CCNH: variants seen among roughly 807,000 people sequenced by gnomAD.
The protein encoded by CCNH is cyclin H.
Under a neutral mutation model 41.9 loss-of-function variants are expected in CCNH, and 31 were observed. The observed-to-expected ratio is 0.74, with a 90% CI of 0.56 to 1.00. The LOEUF is 1.00. CCNH is among the 50% of genes least tolerant of loss of function. The probability of loss-of-function intolerance (pLI) is 0.00; values close to 1 mark genes in which losing one functional copy is unlikely to be tolerated. For synonymous variants in CCNH, 138 were observed against 136.1 expected, an observed-to-expected ratio of 1.01 and a Z score of -0.10; for missense variants, 362 against 388.4, an observed-to-expected ratio of 0.93 and a Z score of 0.57.
chr5:87,371,230 C>T (rs770098353), intron 9 of CCNH, among the ~76,000 whole-genome samples: 34 of 151,808 alleles, frequency 2.2e-4, no homozygotes, highest in South Asian at 1.0e-3. Flanking sequence ...AATGGTATTT[C>T]CAGTTTTTGT....
At chr5:87,351,034 T>C (rs1321517312) in intron 9 of CCNH, among the ~76,000 whole-genome samples, 1 of 151,702 alleles carries the variant, frequency 6.6e-6, no homozygotes, top group Non-Finnish European at 1.5e-5. Context: ...GAAAGATTTT[T>C]CAATAAATCT....
intron 3 of CCNH, chr5:87,409,025 T>A (rs1561356826): frequency 4.0e-6 from 1 of 248,620 alleles, no homozygotes; most frequent in Non-Finnish European, 7.6e-6. Flanking sequence ...GGAAGAGATG[T>A]TAGAGAAGTA....
Position 87,411,306 on chromosome 5 carries a change from T to C in CCNH, c.158A>G (p.Glu53Gly). 1 of 1,612,488 alleles carries C rather than the reference T, an allele frequency of 6.2e-7. No homozygotes were observed. The highest frequency in any genetic ancestry group is 8.5e-7 in the Non-Finnish European group (1 of 1,179,310). ...NDPVFLEPHE[E>G]MTLCKYYEKR... is the part of the protein sequence containing the mutation. ...CTCATAGTATTTGCAGAGTGTCATT[T>C]CTTCATGAGGCTCAAGAAAGACTGG... The change falls in exon 2 of 9, where the codon GAA becomes GGA. Residue 53 changes from glutamate to glycine, a missense_variant. Physicochemically the swap from Glu to Gly is moderately conservative, Grantham distance 98. Coordinates refer to ENST00000256897, the MANE Select transcript of CCNH (RefSeq NM_001239.4).
chr5:87,315,896 A>T (rs1351763715), downstream of CCNH, among the ~76,000 whole-genome samples: 1 of 152,190 alleles, frequency 6.6e-6, no homozygotes, highest in Non-Finnish European at 1.5e-5. Context: ...ATATAGGCTG[A>T]TTCTTTTTTC....
At chr5:87,354,230 T>A (rs1389694175) in intron 9 of CCNH, among the ~76,000 whole-genome samples, 3 of 152,112 alleles carry the variant, frequency 2.0e-5, no homozygotes, top group South Asian at 4.1e-4. Context: ...CAGGCACACT[T>A]CATTTTATTG....
chr5:87,384,036 T>G (rs530543548), intron 9 of CCNH, among the ~76,000 whole-genome samples: 1 of 152,220 alleles, frequency 6.6e-6, no homozygotes, highest in East Asian at 1.9e-4. Flanking sequence ...TCTACCCCTA[T>G]TTGTGTCTCA....
At chr5:87,384,910 C>T (rs965550906) in intron 9 of CCNH, among the ~76,000 whole-genome samples, 1 of 152,046 alleles carries the variant, frequency 6.6e-6, no homozygotes. Context: ...GGGAATTGCT[C>T]AGATTGCTAA....
chr5:87,384,349 T>C (rs895328428), intron 9 of CCNH, among the ~76,000 whole-genome samples: 1 of 152,160 alleles, frequency 6.6e-6, no homozygotes, highest in Non-Finnish European at 1.5e-5. Context: ...GTTAAAAGCT[T>C]CTTTCAAAGA....
chr5:87,386,872 A>G, downstream of CCNH: 6 of 1,612,692 alleles, frequency 3.7e-6, no homozygotes, highest in East Asian at 6.7e-5. Context: ...AGCAACAAAC[A>G]TCGTATGATC....
At chr5:87,388,641 G>C (rs1762235928), downstream of CCNH, among the ~76,000 whole-genome samples, 1 of 152,126 alleles carries the variant, frequency 6.6e-6, no homozygotes, top group Non-Finnish European at 1.5e-5. Flanking sequence ...AACCTTATCT[G>C]AAAGTACCAT....
In CCNH at chr5:87,394,323, A is replaced by G; in HGVS notation, c.*123T>C. On this transcript the variant is annotated 3_prime_UTR_variant, in exon 9 of 9. Coordinates refer to ENST00000256897, the MANE Select transcript of CCNH (RefSeq NM_001239.4). ...ATAAAGTTACTGTGAAAGGGAAAGA[A>G]AACAATAGAAAAGTTTTAATATATT... 7.2e-7 allele frequency: 1 copy of G among 1,381,086 alleles called. No individual in the cohort carries two copies. Among genetic ancestry groups the G allele is most frequent in the Admixed American group, 2.9e-5 (1 of 35,038 alleles). 85.6% of individuals were successfully genotyped at this position (1,381,086 alleles called of 1,614,324 possible).
At chr5:87,378,522 G>C, upstream of CCNH, 1 of 1,610,686 alleles carries the variant, frequency 6.2e-7, no homozygotes, top group Non-Finnish European at 8.5e-7. Flanking sequence ...ATAATGGAAA[G>C]CAAGCAGTCT....
chr5:87,380,589 T>C, upstream of CCNH: 2 of 1,610,150 alleles, frequency 1.2e-6, no homozygotes, highest in Non-Finnish European at 1.7e-6. Context: ...AGAACAAGAG[T>C]TGTTAGGTAA....
Position 87,383,710 on chromosome 5 carries a change from C to CT in CCNH, c.*90+9059_*90+9060insA, listed in dbSNP as rs1761884807. 6.2e-7 allele frequency: 1 copy of CT among 1,601,278 alleles called. No homozygotes were observed. The highest frequency in any genetic ancestry group is 8.5e-7 in the Non-Finnish European group (1 of 1,173,418). On this transcript the variant is annotated intron_variant and NMD_transcript_variant, in intron 9 of 9. Transcript: ENST00000645953. Reference sequence around the variant, plus strand: ...AAAAAAAAAAAATTTCCCTCCCATTCAGTGGTTTTGTTTTTCTTCGACTCA... The same window carrying CT: ...AAAAAAAAAAAATTTCCCTCCCATTCTAGTGGTTTTGTTTTTCTTCGACTCA...
At chr5:87,327,471 G>A (rs976092956) in intron 9 of CCNH, among the ~76,000 whole-genome samples, 7 of 152,262 alleles carry the variant, frequency 4.6e-5, no homozygotes, top group East Asian at 1.9e-4. Flanking sequence ...AGACTTGGCC[G>A]TAACTGTGGA....
rs566820811 is a variant in CCNH at position 87,322,819 on chromosome 5, A to G, written c.*91-3922T>C. Among the ~76,000 whole-genome samples the G allele has an allele frequency of 1.0e-3, 159 of 152,364 alleles. 1 individual carries two copies. The highest frequency in any genetic ancestry group is 3.7e-3 in the African/African-American group (152 of 41,592). On this transcript the variant is annotated intron_variant and NMD_transcript_variant, in intron 9 of 9. Coordinates refer to the CCNH transcript ENST00000645953. ...TATATAAACACAACCACATACATAA[A>G]TAAAATAACACCACAAGAAGGAATC...
chr5:87,337,326 G>GA (rs1227329462), intron 9 of CCNH, among the ~76,000 whole-genome samples: 2 of 151,546 alleles, frequency 1.3e-5, no homozygotes, highest in Non-Finnish European at 3.0e-5. Context: ...ATTGGTAACA[G>GA]AAAAAAAACA....
At chr5:87,410,781 G>A (rs1259038147) in intron 2 of CCNH, among the ~76,000 whole-genome samples, 2 of 152,022 alleles carry the variant, frequency 1.3e-5, no homozygotes, top group Admixed American at 6.6e-5. Flanking sequence ...TAAAACTCCA[G>A]CTTCTACTAA....
upstream of CCNH, chr5:87,379,677 A>G (rs1486420000): frequency 1.0e-5 from 16 of 1,592,904 alleles, no homozygotes; most frequent in Middle Eastern, 2.1e-4. Context: ...GTTTTCCTCT[A>G]TTCATTTGCA....
Sources: allele counts gnomAD v4.1 joint callset (sites outside exome capture counted in the v4.1 genomes callset), GRCh38; gene constraint gnomAD v4.1.1; transcripts MANE v1.5; gene names NCBI Gene and HGNC (gene_info 2026-07-23, HGNC 2026-07-21).